The following CACNA2D3 variants were observed in gnomAD, a reference collection of about 807,000 sequenced individuals.
CACNA2D3 encodes voltage-dependent calcium channel subunit alpha-2/delta-3.
CACNA2D3 carries 60 observed loss-of-function variants against 160.6 expected under a neutral mutation model. The ratio of observed to expected loss-of-function variants is 0.37; its 90% CI spans 0.30 to 0.46. The LOEUF is 0.46. Ranked by LOEUF, CACNA2D3 falls within the 20% of genes least tolerant of loss-of-function variation. The pLI is 1.00. For missense variants in CACNA2D3, 1,205 were observed against 1,365.0 expected, an observed-to-expected ratio of 0.88 and a Z score of 1.85; for synonymous variants, 558 against 492.9, an observed-to-expected ratio of 1.13 and a Z score of -1.75.
intron 5 of CACNA2D3, among the ~76,000 whole-genome samples, chr3:54,533,398 G>T (rs947945400): frequency 7.3e-6 from 1 of 137,222 alleles, no homozygotes; most frequent in African/African-American, 2.7e-5. Flanking sequence ...GCAGTGGCAC[G>T]ATCCAGGCTC....
At chr3:54,496,857 G>A (rs574063664) in intron 4 of CACNA2D3, among the ~76,000 whole-genome samples, 1 of 152,212 alleles carries the variant, frequency 6.6e-6, no homozygotes, top group South Asian at 2.1e-4. Context: ...ATTTGCTTCA[G>A]CACAGTTTGT....
chr3:54,642,485 A>G (rs1316017825), intron 11 of CACNA2D3, among the ~76,000 whole-genome samples: 1 of 152,226 alleles, frequency 6.6e-6, no homozygotes, highest in East Asian at 1.9e-4. Flanking sequence ...GAAAAGATTC[A>G]TTGTGAAGTG....
chr3:54,153,677 A>G (rs1700190325), intron 2 of CACNA2D3, among the ~76,000 whole-genome samples: 1 of 152,228 alleles, frequency 6.6e-6, no homozygotes. Context: ...CACAAGAAGT[A>G]TATTTGCATA....
At chr3:54,363,196 A>AATATATATATATAT (rs377127378) in intron 3 of CACNA2D3, among the ~76,000 whole-genome samples, 13 of 151,410 alleles carry the variant, frequency 8.6e-5, no homozygotes, top group African/African-American at 2.9e-4. Context: ...TCCATCTCCA[A>AATATATATATATAT]ATATATATAT....
At chr3:54,946,310 G>A (rs1388944648) in intron 27 of CACNA2D3, among the ~76,000 whole-genome samples, 1 of 152,130 alleles carries the variant, frequency 6.6e-6, no homozygotes, top group South Asian at 2.1e-4. Flanking sequence ...TACCCATCCT[G>A]TACATGTCTT....
chr3:54,460,424 A>T (rs1456458301), intron 4 of CACNA2D3, among the ~76,000 whole-genome samples: 1 of 152,150 alleles, frequency 6.6e-6, no homozygotes, highest in African/African-American at 2.4e-5. Context: ...ATGTTCTTCC[A>T]TTTGTTTGTA....
intron 2 of CACNA2D3, among the ~76,000 whole-genome samples, chr3:54,268,099 G>A (rs1386391123): frequency 3.3e-5 from 5 of 152,190 alleles, no homozygotes; most frequent in African/African-American, 1.2e-4. Context: ...GCTGGTTTTG[G>A]CAATTGGGAA....
intron 4 of CACNA2D3, among the ~76,000 whole-genome samples, chr3:54,496,299 T>A (rs761033699): frequency 8.0e-4 from 122 of 152,244 alleles, no homozygotes; most frequent in Non-Finnish European, 1.5e-3. Flanking sequence ...TTGCTCCATA[T>A]CCTTGGCAAT....
intron 3 of CACNA2D3, among the ~76,000 whole-genome samples, chr3:54,321,611 T>A (rs1439285080): frequency 7.2e-5 from 11 of 152,122 alleles, no homozygotes; most frequent in South Asian, 2.1e-4. Context: ...GTTAGTATTA[T>A]CCCCATTTTA....
intron 27 of CACNA2D3, among the ~76,000 whole-genome samples, chr3:54,901,763 A>T (rs898561551): frequency 2.0e-5 from 3 of 152,216 alleles, no homozygotes; most frequent in African/African-American, 7.2e-5. Flanking sequence ...TAGACGTAAG[A>T]TAAAACAGAA....
intron 3 of CACNA2D3, among the ~76,000 whole-genome samples, chr3:54,335,755 A>G (rs1704361403): frequency 6.6e-6 from 1 of 152,100 alleles, no homozygotes; most frequent in Non-Finnish European, 1.5e-5. Context: ...CTGTAATCCC[A>G]GCACTTTTGG....
At position 54,627,322 on chromosome 3, in the gene CACNA2D3, G is replaced by A. The variant is rs540194947; in HGVS notation, c.964-465G>A. On this transcript the variant is annotated intron_variant, in intron 9 of 37. Transcript: ENST00000474759. ...TTAGAGGCTGGTGCTCTGAGAATAC[G>A]TCATGCGGTGGGAAGAGGGTTATGC... is the stretch of plus-strand genomic sequence containing the variant. 8.5e-5 allele frequency among the ~76,000 whole-genome samples: 13 copies of A among 152,276 alleles called. No homozygotes were observed. The South Asian group carries it at 1.7e-3, about 19-fold the overall frequency.
At chr3:54,948,134 T>C (rs1245219356) in intron 27 of CACNA2D3, among the ~76,000 whole-genome samples, 1 of 152,186 alleles carries the variant, frequency 6.6e-6, no homozygotes, top group Non-Finnish European at 1.5e-5. Context: ...CAAATTACAA[T>C]GACATTCTAT....
chr3:54,825,472 C>A (rs1214529707), intron 14 of CACNA2D3, among the ~76,000 whole-genome samples: 1 of 152,152 alleles, frequency 6.6e-6, no homozygotes, highest in Admixed American at 6.5e-5. Context: ...ATCTTGAACT[C>A]AATGAGTTGG....
chr3:54,928,200 C>A (rs1170182248), intron 27 of CACNA2D3: 4 of 449,276 alleles, frequency 8.9e-6, no homozygotes, highest in Non-Finnish European at 1.6e-5. Context: ...ATCATCCCTG[C>A]CTTTCCCATT....
intron 13 of CACNA2D3, among the ~76,000 whole-genome samples, chr3:54,809,311 CTT>C (rs1217898723): frequency 0.011 from 861 of 80,684 alleles, 35 homozygotes; most frequent in African/African-American, 0.048. Context: ...TTCCTTCTTT[CTT>C]TTTTTTTTTT....
chr3:54,752,698 C>A (rs186672052), intron 12 of CACNA2D3, 21 bp downstream of exon 12: 19 of 1,575,076 alleles, frequency 1.2e-5, no homozygotes, highest in Non-Finnish European at 1.3e-5. Flanking sequence ...GCATTGTGCT[C>A]GGCTCTGAAT....
At chr3:54,647,418 C>A (rs1186894355) in intron 11 of CACNA2D3, among the ~76,000 whole-genome samples, 1 of 152,128 alleles carries the variant, frequency 6.6e-6, no homozygotes, top group East Asian at 1.9e-4. Context: ...TATGGGTTAA[C>A]TAGGTGGTGG....
At chr3:54,717,840 AGTGTGTGTGTGGTGTATGTGCGTGC>A (rs1246414694) in intron 11 of CACNA2D3, among the ~76,000 whole-genome samples, 62 of 100,252 alleles carry the variant, frequency 6.2e-4, no homozygotes, top group Non-Finnish European at 1.1e-3. Flanking sequence ...TGTGTGCGTG[AGTGTGTGTGTGGTGTATGTGCGTGC>A]GTGTGTGTGG....
Sources: gnomAD v4.1 joint callset for allele counts (sites outside exome capture counted in the v4.1 genomes callset) on GRCh38, gnomAD v4.1.1 for gene constraint, MANE v1.5 for transcripts, NCBI Gene and HGNC (gene_info 2026-07-23, HGNC 2026-07-21) for gene names.